Variants in WWP2 observed in about 807,000 individuals in gnomAD.
WWP2 encodes WW domain containing E3 ubiquitin protein ligase 2, also known as NEDD4-like E3 ubiquitin-protein ligase WWP2.
In WWP2, 57 loss-of-function variants were observed where a neutral mutation model predicts 121.0. The ratio of observed to expected loss-of-function variants is 0.47; its 90% confidence interval spans 0.38 to 0.59. The LOEUF (loss-of-function observed/expected upper bound fraction) is 0.59. WWP2 is among the 20% of genes least tolerant of loss of function. The pLI is 0.00. For missense variants in WWP2, 962 were observed against 1,158.9 expected (o/e 0.83, Z 2.47); for synonymous variants, 449 against 441.3 (o/e 1.02, Z -0.22).
chr16:69,922,161 G>A (rs1443933393), intron 10 of WWP2, among the ~76,000 whole-genome samples: 1 of 150,052 alleles, frequency 6.7e-6, no homozygotes, highest in African/African-American at 2.5e-5. Flanking sequence ...TCGAGAAACA[G>A]ACAACTTGTT....
chr16:69,825,213 C>T (rs1343272373), intron 4 of WWP2, among the ~76,000 whole-genome samples: 2 of 127,934 alleles, frequency 1.6e-5, no homozygotes, highest in African/African-American at 5.1e-5. Flanking sequence ...TCACTTGAGG[C>T]TAGGAGTTCG....
At chr16:69,885,144 C>CACACACACACA (rs766923825) in intron 7 of WWP2, among the ~76,000 whole-genome samples, 284 of 149,308 alleles carry the variant, frequency 1.9e-3, no homozygotes, top group Middle Eastern at 0.014. Flanking sequence ...CACACACATT[C>CACACACACACA]TTCTTCTTTA....
chr16:69,868,785 A>G (rs1165824861), intron 6 of WWP2, among the ~76,000 whole-genome samples: 1 of 151,944 alleles, frequency 6.6e-6, no homozygotes, highest in Non-Finnish European at 1.5e-5. Context: ...TGCTCATTCC[A>G]CTTTTGAGGA....
chr16:69,876,457 C>T (rs989549413), intron 7 of WWP2, among the ~76,000 whole-genome samples: 11 of 151,770 alleles, frequency 7.2e-5, no homozygotes, highest in African/African-American at 1.7e-4. Context: ...CTACACCTCC[C>T]GGGTTCAAGT....
Position 69,925,744 on chromosome 16 carries a change from C to T in WWP2, c.1234+260C>T, listed in dbSNP as rs111751335. On this transcript the variant is annotated intron_variant, in intron 11 of 23. Coordinates refer to ENST00000359154, the MANE Select transcript of WWP2 (RefSeq NM_001270454.2). The surrounding 1 kb of genome is among the most constrained non-coding windows in gnomAD (Gnocchi z 4.0). ...GAGTGTGACCCTAAGAAAAGATGTCCCTGAGCAGCTGGGGGGCTATTGGCT... is the reference window on the plus strand; with the variant it reads ...GAGTGTGACCCTAAGAAAAGATGTCTCTGAGCAGCTGGGGGGCTATTGGCT... 9.4e-3 allele frequency among the ~76,000 whole-genome samples: 1,437 copies of T among 152,232 alleles called. 21 individuals carry two copies. Among genetic ancestry groups the T allele is most frequent in the African/African-American group, 0.031 (1,299 of 41,526 alleles).
Position 69,925,430 on chromosome 16 carries a change from T to A in WWP2, c.1180T>A (p.Ser394Thr), listed in dbSNP as rs749326066. Residue 394 changes from serine to threonine, a missense_variant and splice_region_variant, in exon 11 of 24, where the codon TCT (serine) becomes ACT (threonine). Coordinates refer to ENST00000359154, the MANE Select transcript of WWP2 (RefSeq NM_001270454.2). The surrounding 1 kb of genome is among the most constrained non-coding windows in gnomAD (Gnocchi z 4.0). ...GTTCTGCTGTGTTTCTTGTGTTTAG[T>A]CTTCGAGTGCTTCGACTGACCATGA... ...QHFSQRFLYQSSSASTDHDPL... is the reference protein window; with the variant it reads ...QHFSQRFLYQTSSASTDHDPL... 3 of 1,614,010 alleles carry A rather than the reference T, an allele frequency of 1.9e-6. No individual in the cohort carries two copies. Among genetic ancestry groups the A allele is most frequent in the Non-Finnish European group, 2.5e-6 (3 of 1,180,008 alleles).
At chr16:69,793,836 A>G (rs997528521) in intron 2 of WWP2, among the ~76,000 whole-genome samples, 2 of 151,348 alleles carry the variant, frequency 1.3e-5, no homozygotes, top group Non-Finnish European at 2.9e-5. Flanking sequence ...AGCCCCTCCC[A>G]TAATCCTAAC....
intron 6 of WWP2, among the ~76,000 whole-genome samples, chr16:69,849,353 G>T (rs1232456467): frequency 3.9e-5 from 6 of 152,198 alleles, no homozygotes; most frequent in African/African-American, 1.4e-4. Context: ...GGGAACTGCA[G>T]TTATTTAGAG....
intron 4 of WWP2, among the ~76,000 whole-genome samples, chr16:69,837,576 G>A (rs2056898955): frequency 6.6e-6 from 1 of 152,062 alleles, no homozygotes. Flanking sequence ...CTGTCACGGG[G>A]GTAGAAATTA....
intron 7 of WWP2, among the ~76,000 whole-genome samples, chr16:69,886,256 T>G (rs2057921980): frequency 1.3e-5 from 2 of 152,114 alleles, no homozygotes. Flanking sequence ...CTCTTTTAAA[T>G]TATTTGTAGA....
At chr16:69,936,772 G>A (rs2058805712) in intron 19 of WWP2, 1 of 491,942 alleles carries the variant, frequency 2.0e-6, no homozygotes, top group African/African-American at 1.9e-5. Flanking sequence ...TGTGGCCTGT[G>A]TGCCTAGACC....
At chr16:69,922,631 G>GC (rs1332873555) in intron 10 of WWP2, among the ~76,000 whole-genome samples, 1 of 152,214 alleles carries the variant, frequency 6.6e-6, no homozygotes, top group Non-Finnish European at 1.5e-5. Context: ...AAGAGGAGGG[G>GC]CAGCCGGTTG....
intron 8 of WWP2, among the ~76,000 whole-genome samples, chr16:69,902,776 G>A (rs562381650): frequency 3.9e-5 from 6 of 152,246 alleles, no homozygotes; most frequent in Admixed American, 3.3e-4. Flanking sequence ...CAAGACAGTC[G>A]GAGGCTCCAT....
intron 2 of WWP2, among the ~76,000 whole-genome samples, chr16:69,794,734 A>G (rs2055991320): frequency 6.6e-6 from 1 of 152,228 alleles, no homozygotes. Context: ...AAGTCTTTAA[A>G]AATCATTGTT....
At chr16:69,840,387 A>T in intron 5 of WWP2, 124 bp downstream of exon 5, 1 of 1,347,590 alleles carries the variant, frequency 7.4e-7, no homozygotes. Context: ...AGCCTGGCCC[A>T]TAGCTAGCCC....
intron 4 of WWP2, among the ~76,000 whole-genome samples, chr16:69,810,427 CTTTT>C (rs773074583): frequency 1.4e-5 from 2 of 140,462 alleles, no homozygotes; most frequent in Non-Finnish European, 1.6e-5. Context: ...TTTTTAACAT[CTTTT>C]TTTTTTTTTT....
intron 7 of WWP2, among the ~76,000 whole-genome samples, chr16:69,883,399 C>T (rs924106676): frequency 1.9e-5 from 2 of 105,158 alleles, no homozygotes; most frequent in African/African-American, 5.0e-5. Flanking sequence ...TAAGAATGTG[C>T]GCACACACAC....
intron 1 of WWP2, among the ~76,000 whole-genome samples, chr16:69,771,952 C>CTTT (rs56376857): frequency 2.9e-4 from 16 of 55,826 alleles, no homozygotes; most frequent in Non-Finnish European, 3.4e-4. Context: ...TCTTTTTAGT[C>CTTT]TTTTTTTTTT....
intron 6 of WWP2, among the ~76,000 whole-genome samples, chr16:69,855,670 A>G (rs80118156): frequency 6.6e-6 from 1 of 152,192 alleles, no homozygotes; most frequent in African/African-American, 2.4e-5. Flanking sequence ...AACCATGAGG[A>G]TATCTGGGGA....
Sources: allele counts gnomAD v4.1 joint callset (sites outside exome capture counted in the v4.1 genomes callset), GRCh38; gene constraint gnomAD v4.1.1; non-coding constraint Gnocchi (gnomAD v3.1); transcripts MANE v1.5; gene names NCBI Gene and HGNC (gene_info 2026-07-23, HGNC 2026-07-21).